The following RIMS2 variants were observed in gnomAD, a reference collection of about 807,000 sequenced individuals.
RIMS2 encodes regulating synaptic membrane exocytosis protein 2.
A neutral mutation model predicts 174.4 loss-of-function variants in RIMS2; 59 were observed. That is an observed-to-expected ratio of 0.34 (90% confidence interval 0.27 to 0.42). The LOEUF (loss-of-function observed/expected upper bound fraction) is 0.42. Ranked by LOEUF, RIMS2 falls within the 10% of genes least tolerant of loss-of-function variation. RIMS2 has a pLI of 1.00. For synonymous variants in RIMS2, 606 were observed against 572.5 expected, an observed-to-expected ratio of 1.06 and a Z score of -0.84; for missense variants, 1,620 against 1,666.3, an observed-to-expected ratio of 0.97 and a Z score of 0.48.
chr8:103,558,659 T>C (rs1350529048), intron 1 of RIMS2, among the ~76,000 whole-genome samples: 1 of 152,194 alleles, frequency 6.6e-6, no homozygotes, highest in African/African-American at 2.4e-5. Context: ...GTTTTGCTTT[T>C]TTTAAACAGG....
At chr8:103,760,055 A>C (rs774872365) in intron 2 of RIMS2, among the ~76,000 whole-genome samples, 1 of 152,230 alleles carries the variant, frequency 6.6e-6, no homozygotes, top group African/African-American at 2.4e-5. Context: ...TGTGCTGTTG[A>C]CAAAAATCAG....
At chr8:104,231,529 A>G (rs2099229023) in intron 19 of RIMS2, among the ~76,000 whole-genome samples, 1 of 152,094 alleles carries the variant, frequency 6.6e-6, no homozygotes, top group African/African-American at 2.4e-5. Context: ...TATTCCATCT[A>G]CTGTATGAAG....
chr8:103,751,820 T>G (rs1188572015), intron 2 of RIMS2, among the ~76,000 whole-genome samples: 1 of 151,632 alleles, frequency 6.6e-6, no homozygotes, highest in Admixed American at 6.6e-5. Context: ...TAAATTTGTT[T>G]GAGTTCATTG....
At chr8:103,882,467 C>T (rs548945910) in intron 3 of RIMS2, among the ~76,000 whole-genome samples, 25 of 151,580 alleles carry the variant, frequency 1.6e-4, no homozygotes, top group Non-Finnish European at 3.1e-4. Context: ...CCTTGTTTCT[C>T]GCATAGTGTT....
intron 1 of RIMS2, among the ~76,000 whole-genome samples, chr8:103,505,738 C>T (rs1823207399): frequency 6.6e-6 from 1 of 152,160 alleles, no homozygotes; most frequent in South Asian, 2.1e-4. Context: ...GACTTTCCCA[C>T]ATCCTCGCCA....
chr8:103,791,240 A>C (rs1361305071), intron 3 of RIMS2, among the ~76,000 whole-genome samples: 1 of 152,246 alleles, frequency 6.6e-6, no homozygotes, highest in Non-Finnish European at 1.5e-5. Flanking sequence ...AAACTTTAGA[A>C]GCCAGAAGAG....
intron 1 of RIMS2, chr8:103,501,702 A>G (rs796427912): frequency 6.6e-6 from 1 of 152,622 alleles, no homozygotes; most frequent in African/African-American, 2.4e-5. Context: ...AACACCCTGC[A>G]CTCTGCTGCT....
intron 19 of RIMS2, among the ~76,000 whole-genome samples, chr8:104,219,642 A>T (rs2511564): frequency 0.34 from 51,348 of 151,968 alleles, 9,045 homozygotes; most frequent in African/African-American, 0.44. Flanking sequence ...GCAGTCTTTT[A>T]TTCAAGGCCG....
At chr8:103,761,565 A>T (rs367981069) in intron 2 of RIMS2, among the ~76,000 whole-genome samples, 17 of 152,214 alleles carry the variant, frequency 1.1e-4, no homozygotes, top group African/African-American at 3.9e-4. Context: ...GAGAATTTTT[A>T]AAAGTTTATG....
intron 6 of RIMS2, among the ~76,000 whole-genome samples, chr8:103,912,560 GTA>G (rs1029159327): frequency 6.6e-6 from 1 of 152,034 alleles, no homozygotes; most frequent in South Asian, 2.1e-4. Context: ...AATGTAATAT[GTA>G]TATATATGTA....
intron 3 of RIMS2, among the ~76,000 whole-genome samples, chr8:103,852,867 T>G (rs1204161581): frequency 6.6e-6 from 1 of 152,076 alleles, no homozygotes; most frequent in Admixed American, 6.6e-5. Context: ...CACGAACATG[T>G]GAGTGCATGT....
chr8:103,675,394 C>G (rs558872329), intron 1 of RIMS2, among the ~76,000 whole-genome samples: 104 of 152,236 alleles, frequency 6.8e-4, no homozygotes, highest in African/African-American at 2.2e-3. Flanking sequence ...TTCCATGCAA[C>G]CCTTTGCAGA....
intron 4 of RIMS2, among the ~76,000 whole-genome samples, chr8:103,889,147 GAAGTATCTAAC>G (rs1274581284): frequency 6.6e-6 from 1 of 151,630 alleles, no homozygotes; most frequent in African/African-American, 2.4e-5. Flanking sequence ...ATTACCTTTA[GAAGTATCTAAC>G]ATTGTGATTC....
At chr8:104,248,891 TTCTC>T (rs368851079) in intron 21 of RIMS2, 78 bp downstream of exon 27, 843 of 616,710 alleles carry the variant, frequency 1.4e-3, no homozygotes, top group Admixed American at 2.5e-3. Flanking sequence ...TCATAGAATC[TTCTC>T]TCTCTCTCTC....
At chr8:103,659,068 T>G (rs188170935) in intron 1 of RIMS2, among the ~76,000 whole-genome samples, 50 of 152,342 alleles carry the variant, frequency 3.3e-4, no homozygotes, top group African/African-American at 1.1e-3. Context: ...TTAATTTTAA[T>G]TTTTAAAGTT....
At chr8:104,017,975 TGAG>T (rs1488810063) in intron 19 of RIMS2, among the ~76,000 whole-genome samples, 2 of 152,078 alleles carry the variant, frequency 1.3e-5, no homozygotes, top group East Asian at 3.9e-4. Context: ...CTCGGGAGGC[TGAG>T]GTGGGAGGAT....
intron 1 of RIMS2, among the ~76,000 whole-genome samples, chr8:103,639,390 A>G (rs2096173263): frequency 6.6e-6 from 1 of 151,916 alleles, no homozygotes; most frequent in Non-Finnish European, 1.5e-5. Context: ...GTAATTATCC[A>G]GCAACACTAT....
intron 3 of RIMS2, among the ~76,000 whole-genome samples, chr8:103,792,563 A>C (rs1316364088): frequency 2.0e-5 from 3 of 152,096 alleles, no homozygotes. Flanking sequence ...GCAAGAAATA[A>C]CTAAGATCAG....
chr8:104,212,416 A>G (rs2099109400), intron 19 of RIMS2, among the ~76,000 whole-genome samples: 1 of 152,192 alleles, frequency 6.6e-6, no homozygotes, highest in Non-Finnish European at 1.5e-5. Context: ...ATGTAATCCT[A>G]TGGAAGTCAA....
Sources: allele counts gnomAD v4.1 joint callset (sites outside exome capture counted in the v4.1 genomes callset), GRCh38; gene constraint gnomAD v4.1.1; transcripts MANE v1.5; gene names NCBI Gene and HGNC (gene_info 2026-07-23, HGNC 2026-07-21).